Variants in ARMH4 observed in about 807,000 individuals in gnomAD.
ARMH4 encodes armadillo like helical domain containing 4, also known as armadillo-like helical domain-containing protein 4.
A neutral mutation model predicts 61.9 loss-of-function variants in ARMH4; 49 were observed. The ratio of observed to expected loss-of-function variants is 0.79; its 90% CI spans 0.63 to 1.00. ARMH4 has a LOEUF of 1.00. Ranked by LOEUF, ARMH4 falls within the 50% of genes least tolerant of loss-of-function variation. ARMH4 has a pLI of 0.00. For missense variants in ARMH4, 934 were observed against 930.0 expected (o/e 1.00, Z -0.06); for synonymous variants, 368 against 341.5 (o/e 1.08, Z -0.85).
At chr14:58,148,205 C>T (rs185656496) in intron 1 of ARMH4, among the ~76,000 whole-genome samples, 4 of 152,152 alleles carry the variant, frequency 2.6e-5, no homozygotes, top group African/African-American at 9.7e-5. Flanking sequence ...TGCCACCACA[C>T]CCGGCTAATT....
chr14:58,099,813 G>A (rs1174618561), intron 4 of ARMH4, among the ~76,000 whole-genome samples: 1 of 152,198 alleles, frequency 6.6e-6, no homozygotes, highest in Non-Finnish European at 1.5e-5. Flanking sequence ...GTATTATACA[G>A]TGGCTGCATG....
chr14:58,081,261 C>T (rs1342127960), intron 5 of ARMH4, among the ~76,000 whole-genome samples: 3 of 152,152 alleles, frequency 2.0e-5, no homozygotes, highest in Non-Finnish European at 2.9e-5. Context: ...CTTGAACAAA[C>T]GTAGCGTCTC....
chr14:58,005,879 A>G (rs1156307691), intron 6 of ARMH4, among the ~76,000 whole-genome samples: 2 of 152,236 alleles, frequency 1.3e-5, no homozygotes, highest in Non-Finnish European at 2.9e-5. Flanking sequence ...CACCTTCCCA[A>G]CAGACAAGAC....
rs1887632113 is a variant in ARMH4 at position 58,143,512 on chromosome 14, G to A, written c.-56-4098C>T. On this transcript the variant is annotated intron_variant, in intron 1 of 7. Coordinates refer to ENST00000267485, the MANE Select transcript of ARMH4 (RefSeq NM_001001872.4). ...GGAGTCTCACTCTGTTGCCCAGGCTGGAGTGCACTGATGCCATCTCGGCTC... is the reference window on the plus strand; with the variant it reads ...GGAGTCTCACTCTGTTGCCCAGGCTAGAGTGCACTGATGCCATCTCGGCTC... Among the ~76,000 whole-genome samples, 6 of 152,138 alleles carry A rather than the reference G, an allele frequency of 3.9e-5. No homozygotes were observed. The South Asian group carries it at 1.2e-3, about 32-fold the overall frequency.
intron 5 of ARMH4, among the ~76,000 whole-genome samples, chr14:58,014,875 A>G (rs1203802001): frequency 1.3e-5 from 2 of 152,214 alleles, no homozygotes; most frequent in African/African-American, 2.4e-5. Context: ...TTGAAGCAAG[A>G]TGCTTGCAAT....
chr14:58,109,001 G>T (rs1251858591), intron 4 of ARMH4, among the ~76,000 whole-genome samples: 1 of 151,916 alleles, frequency 6.6e-6, no homozygotes, highest in Non-Finnish European at 1.5e-5. Context: ...TCTTTCTATT[G>T]GGCTGTCTGT....
intron 5 of ARMH4, among the ~76,000 whole-genome samples, chr14:58,036,086 A>G (rs879566699): frequency 1.7e-5 from 2 of 118,782 alleles, no homozygotes; most frequent in Non-Finnish European, 3.7e-5. Context: ...AGCCGGGCAG[A>G]GACACAACCA....
At position 58,138,292 on chromosome 14, in the gene ARMH4, C is replaced by T. The variant is rs751695962; in HGVS notation, c.1067G>A (p.Gly356Asp). The change falls in exon 2 of 8, where the codon GGC (glycine) becomes GAC (aspartate). Residue 356 changes from glycine to aspartate, a missense_variant. Coordinates refer to ENST00000267485, the MANE Select transcript of ARMH4 (RefSeq NM_001001872.4). ...CTGTGCAGCCTCTGTCCAAGGCTGG[C>T]CTCCTTCCATACCCTCATGGCTTAC... ...AQVSHEGMEG[G>D]QPWTEAAQVA... is the part of the protein sequence containing the mutation. The T allele has an allele frequency of 1.2e-6, 2 of 1,614,206 alleles. No individual in the cohort carries two copies. The highest frequency in any genetic ancestry group is 8.5e-7 in the Non-Finnish European group (1 of 1,180,040).
chr14:58,147,170 T>G, intron 1 of ARMH4, among the ~76,000 whole-genome samples: 1 of 152,174 alleles, frequency 6.6e-6, no homozygotes, highest in East Asian at 1.9e-4. Context: ...CATTCTAGAT[T>G]CACAACCGCT....
chr14:58,078,520 CT>C (rs1315728817), intron 5 of ARMH4, among the ~76,000 whole-genome samples: 1 of 152,238 alleles, frequency 6.6e-6, no homozygotes, highest in Non-Finnish European at 1.5e-5. Flanking sequence ...GCCACTCACT[CT>C]TTCCTTGTTG....
chr14:58,065,112 G>A (rs1884661791), intron 5 of ARMH4, among the ~76,000 whole-genome samples: 1 of 152,108 alleles, frequency 6.6e-6, no homozygotes, highest in African/African-American at 2.4e-5. Context: ...CGTGTTGGTG[G>A]ACACCTGTAA....
At chr14:58,115,112 A>T (rs895898341) in intron 4 of ARMH4, among the ~76,000 whole-genome samples, 1 of 152,188 alleles carries the variant, frequency 6.6e-6, no homozygotes, top group Non-Finnish European at 1.5e-5. Flanking sequence ...TAAACTTAAG[A>T]GCTTTTGCAC....
intron 5 of ARMH4, among the ~76,000 whole-genome samples, chr14:58,078,401 G>C (rs539266116): frequency 3.3e-5 from 5 of 152,240 alleles, no homozygotes; most frequent in Admixed American, 1.3e-4. Flanking sequence ...ATCATGTACT[G>C]TCTCTGAGGT....
chr14:58,128,464 G>A (rs1282374414), intron 4 of ARMH4, among the ~76,000 whole-genome samples: 5 of 152,158 alleles, frequency 3.3e-5, no homozygotes, highest in Admixed American at 3.3e-4. Context: ...AGGTATGCCT[G>A]AAATGAGTAT....
intron 5 of ARMH4, among the ~76,000 whole-genome samples, chr14:58,012,945 C>CT (rs34019418): frequency 0.18 from 26,722 of 152,052 alleles, 3,162 homozygotes; most frequent in East Asian, 0.56. Context: ...GTTTTTTACC[C>CT]TAATTACCTT....
At chr14:58,103,599 T>TG (rs869288770) in intron 4 of ARMH4, among the ~76,000 whole-genome samples, 4 of 36,498 alleles carry the variant, frequency 1.1e-4, no homozygotes, top group Non-Finnish European at 2.5e-4. Context: ...GAGCACTATA[T>TG]TTTTTTTTGG....
chr14:58,007,299 C>A (rs1405206815), intron 6 of ARMH4, among the ~76,000 whole-genome samples: 1 of 152,168 alleles, frequency 6.6e-6, no homozygotes, highest in African/African-American at 2.4e-5. Context: ...TTCTTATTGA[C>A]ACACTTAAGC....
intron 5 of ARMH4, among the ~76,000 whole-genome samples, chr14:58,069,937 G>C (rs1380119830): frequency 6.6e-6 from 1 of 152,166 alleles, no homozygotes; most frequent in Non-Finnish European, 1.5e-5. Flanking sequence ...GTGTGGAGAA[G>C]GGACTGGAAA....
In ARMH4 at chr14:58,004,391, G is replaced by C. The variant is rs184962780; in HGVS notation, c.*345C>G. On this transcript the variant is annotated 3_prime_UTR_variant, in exon 8 of 8. Coordinates refer to ENST00000267485, the MANE Select transcript of ARMH4 (RefSeq NM_001001872.4). ...GCAACAATCATTATTCTCAATGCAG[G>C]TAATTCAAACCAAGGAAAAGACACT... 1 of 174,578 alleles carries C rather than the reference G, an allele frequency of 5.7e-6. No homozygotes were observed. The highest frequency in any genetic ancestry group is 1.5e-4 in the East Asian group (1 of 6,656). 10.8% of individuals were successfully genotyped at this position (174,578 alleles called of 1,614,324 possible). A position where few individuals can be genotyped will look rare whatever the true frequency, so the allele number is the denominator to read the frequency against.
Sources: allele counts gnomAD v4.1 joint callset (sites outside exome capture counted in the v4.1 genomes callset), GRCh38; gene constraint gnomAD v4.1.1; transcripts MANE v1.5; gene names NCBI Gene and HGNC (gene_info 2026-07-23, HGNC 2026-07-21).